The following ADGRG4 variants were observed in gnomAD, a reference collection of about 807,000 sequenced individuals.
ADGRG4 encodes G protein-coupled receptor 112.
A neutral mutation model predicts 126.2 loss-of-function variants in ADGRG4; 122 were observed. That is an observed-to-expected ratio of 0.97 (90% CI 0.83 to 1.12). The LOEUF is 1.12. Ranked by LOEUF, ADGRG4 falls within the 50% of genes most tolerant of loss-of-function variation. ADGRG4 has a pLI of 0.00. For synonymous variants in ADGRG4, 943 were observed against 838.7 expected, an observed-to-expected ratio of 1.12 and a Z score of -2.15; for missense variants, 2,481 against 2,251.8, an observed-to-expected ratio of 1.10 and a Z score of -2.06.
chrX:136,323,965 A>G (rs2074856870), intron 5 of ADGRG4, among the ~76,000 whole-genome samples: 1 of 111,832 alleles, frequency 8.9e-6, no homozygotes, highest in Admixed American at 9.5e-5. Flanking sequence ...CATACAGTCC[A>G]GTTACTTTGT....
At position 136,347,042 on chromosome X, in the gene ADGRG4, T is replaced by A. The variant is rs1379224376; in HGVS notation, c.3336T>A (p.His1112Gln). 4 of 1,210,918 alleles carry A rather than the reference T, an allele frequency of 3.3e-6. No individual in the cohort carries two copies. Among genetic ancestry groups the A allele is most frequent in the Non-Finnish European group, 4.5e-6 (4 of 895,030 alleles). ...AVPSLTETPFHSLRLSTPVTA... is the reference protein window; with the variant it reads ...AVPSLTETPFQSLRLSTPVTA... ...CTTCTCTGACAGAAACACCATTTCATTCACTGAGACTCTCCACTCCTGTGA... is the reference window on the plus strand; with the variant it reads ...CTTCTCTGACAGAAACACCATTTCAATCACTGAGACTCTCCACTCCTGTGA... The change falls in exon 6 of 26, where the codon CAT becomes CAA. Residue 1112 changes from histidine to glutamine, a missense_variant. His to Gln is a conservative substitution (Grantham distance 24, BLOSUM62 0). Transcript: ENST00000394143.
intron 5 of ADGRG4, among the ~76,000 whole-genome samples, chrX:136,332,991 C>G (rs1001742007): frequency 1.8e-5 from 2 of 111,348 alleles, no homozygotes; most frequent in East Asian, 5.6e-4. Flanking sequence ...TTTTGCTGTG[C>G]GGAAGCTCTT....
At chrX:136,357,870 T>C (rs2075103760) in intron 10 of ADGRG4, 114 bp downstream of exon 10, 3 of 499,135 alleles carry the variant, frequency 6.0e-6, no homozygotes, top group Non-Finnish European at 1.0e-5. Context: ...AAGATCAAAG[T>C]ACCCAGTGAT....
At position 136,344,559 on chromosome X, in the gene ADGRG4, T is replaced by A. The variant is rs148591462; in HGVS notation, c.853T>A (p.Ser285Thr). The A allele has an allele frequency of 9.4e-5, 113 of 1,203,317 alleles. No individual in the cohort carries two copies. Among genetic ancestry groups the A allele is most frequent in the Non-Finnish European group, 1.1e-4 (102 of 889,455 alleles). ...ATTTGCAACTGATTACACAACCATATCATATTCCAATACAACATCTCCACC... is the reference window on the plus strand; with the variant it reads ...ATTTGCAACTGATTACACAACCATAACATATTCCAATACAACATCTCCACC... ...PIFATDYTTISYSNTTSPPLE... is the reference protein window; with the variant it reads ...PIFATDYTTITYSNTTSPPLE... The change falls in exon 6 of 26, where the codon TCA becomes ACA. Residue 285 changes from serine (S) to threonine (T), a missense_variant. Transcript: ENST00000394143.
Position 136,350,366 on chromosome X carries a change from G to T in ADGRG4, c.6660G>T (p.Trp2220Cys). 8.3e-7 allele frequency: 1 copy of T among 1,210,292 alleles called. No homozygotes were observed. The highest frequency in any genetic ancestry group is 1.1e-6 in the Non-Finnish European group (1 of 894,763). The change falls in exon 6 of 26, where the codon TGG becomes TGT. Residue 2220 changes from tryptophan to cysteine, a missense_variant. Transcript: ENST00000394143. ...SPISSFFETT[W>C]LDSTPSFLST... ...TATCGTCCTTTTTTGAAACAACTTG[G>T]CTGGACTCCACACCTTCCTTTCTAT... is the stretch of plus-strand genomic sequence containing the variant.
intron 5 of ADGRG4, among the ~76,000 whole-genome samples, chrX:136,334,289 A>G (rs746124873): frequency 3.6e-5 from 4 of 111,370 alleles, no homozygotes; most frequent in Non-Finnish European, 7.5e-5. Context: ...TGAATTTTCC[A>G]TCTTTTCCAA....
intron 11 of ADGRG4, among the ~76,000 whole-genome samples, chrX:136,360,553 G>A: frequency 9.1e-6 from 1 of 110,465 alleles, no homozygotes; most frequent in East Asian, 2.8e-4. Context: ...GACCAGCCTG[G>A]GCAACAAAGC....
chrX:136,322,917 T>C lies in ADGRG4; in HGVS notation c.210T>C (p.Tyr70=), dbSNP rs1191834080. 1 of 1,211,574 alleles carries C rather than the reference T, an allele frequency of 8.3e-7. No individual in the cohort carries two copies. The highest frequency in any genetic ancestry group is 1.1e-6 in the Non-Finnish European group (1 of 895,259). ...DLVFMDDNSR[Y]WMAFSYITNN... ...TATTCATGGATGACAACTCAAGGTA[T>C]TGGATGGCCTTCTCTTATATTACTA... Residue 70 remains tyrosine, a synonymous_variant, in exon 5 of 26, where the codon TAT becomes TAC. Coordinates refer to ENST00000394143, the MANE Select transcript of ADGRG4 (RefSeq NM_153834.4).
rs747665621 is a variant in ADGRG4 at position 136,318,616 on chromosome X, A to G, written c.71-4162A>G. On this transcript the variant is annotated intron_variant, in intron 4 of 25. Coordinates refer to ENST00000394143, the MANE Select transcript of ADGRG4 (RefSeq NM_153834.4). ...AGTAACAGCCATTTAAGTGAGATTT[A>G]TGATGAGTTTTTCCTAACACGGAAA... Among the ~76,000 whole-genome samples, 3 of 111,830 alleles carry G rather than the reference A, an allele frequency of 2.7e-5. No homozygotes were observed. The South Asian group carries it at 1.1e-3, about 42-fold the overall frequency.
chrX:136,372,616 A>T, intron 14 of ADGRG4, among the ~76,000 whole-genome samples: 1 of 112,178 alleles, frequency 8.9e-6, no homozygotes, highest in African/African-American at 3.2e-5. Flanking sequence ...AATTTTCACG[A>T]CAATCTTTAG....
intron 5 of ADGRG4, among the ~76,000 whole-genome samples, chrX:136,332,687 T>A (rs1366541038): frequency 1.9e-5 from 2 of 107,078 alleles, no homozygotes; most frequent in Admixed American, 1.0e-4. Context: ...GACTTTTTAA[T>A]GATTGCCATT....
At chrX:136,306,558 T>C (rs1378948074) in intron 3 of ADGRG4, among the ~76,000 whole-genome samples, 1 of 110,749 alleles carries the variant, frequency 9.0e-6, no homozygotes, top group Non-Finnish European at 1.9e-5. Flanking sequence ...CTCCCTTTCT[T>C]CCTTTCTCCT....
In ADGRG4 at chrX:136,349,661, G is replaced by GAA; in HGVS notation, c.5956_5957insAA (p.Thr1986LysfsTer16). On this transcript the variant is annotated frameshift_variant, in exon 6 of 26. Transcript: ENST00000394143. LOFTEE classifies it high-confidence loss of function. ...AAATGACCACATCTGTAACTCCTGGGACCACACTCCCATCAATTCTTTCTG... is the reference window on the plus strand; with the variant it reads ...AAATGACCACATCTGTAACTCCTGGGAAACCACACTCCCATCAATTCTTTCTG... The GAA allele has an allele frequency of 2.5e-6, 3 of 1,210,289 alleles. No individual in the cohort carries two copies. The highest frequency in any genetic ancestry group is 1.1e-6 in the Non-Finnish European group (1 of 894,806).
At chrX:136,309,141 A>G (rs1410313289) in intron 4 of ADGRG4, among the ~76,000 whole-genome samples, 1 of 112,639 alleles carries the variant, frequency 8.9e-6, no homozygotes, top group East Asian at 2.8e-4. Flanking sequence ...CACACCTAAC[A>G]GAAGATTTGG....
In ADGRG4 at chrX:136,372,968, G is replaced by A. The variant is rs756828199; in HGVS notation, c.7680G>A (p.Thr2560=). ...MEFSGQIANL[T]VAGLALAVLR... ...TTTCTGGGCAGATAGCAAATCTGAC[G>A]GTGGCCGGGCTGGCTTTGGCTGTGC... The change falls in exon 15 of 26, where the codon ACG becomes ACA. Residue 2560 remains threonine, a synonymous_variant. Transcript: ENST00000394143. 3.1e-5 allele frequency: 38 copies of A among 1,209,138 alleles called. No individual in the cohort carries two copies. The Admixed American group carries it at 8.1e-4, about 26-fold the overall frequency.
intron 23 of ADGRG4, among the ~76,000 whole-genome samples, chrX:136,409,700 G>A (rs1051258283): frequency 4.5e-5 from 5 of 112,025 alleles, no homozygotes; most frequent in Admixed American, 9.4e-5. Flanking sequence ...CCTCCCACCT[G>A]GAATCCGAGT....
At chrX:136,360,972 C>T (rs893555424) in intron 11 of ADGRG4, among the ~76,000 whole-genome samples, 3 of 111,009 alleles carry the variant, frequency 2.7e-5, no homozygotes, top group African/African-American at 3.3e-5. Context: ...CACTCCACCA[C>T]GTGGCTTGAA....
At chrX:136,380,604 C>CTCCTCCTCTTCTTCT (rs2075255832) in intron 15 of ADGRG4, among the ~76,000 whole-genome samples, 4 of 55,359 alleles carry the variant, frequency 7.2e-5, no homozygotes, top group African/African-American at 2.8e-4. Flanking sequence ...CCTCCTCCTC[C>CTCCTCCTCTTCTTCT]TCTTCTTCTT....
intron 15 of ADGRG4, among the ~76,000 whole-genome samples, chrX:136,384,327 A>G (rs977663152): frequency 2.7e-5 from 3 of 111,921 alleles, no homozygotes; most frequent in Non-Finnish European, 3.8e-5. Context: ...ACTTTAAACC[A>G]GACGTGTCAA....
Sources: allele counts gnomAD v4.1 joint callset (sites outside exome capture counted in the v4.1 genomes callset), GRCh38; gene constraint gnomAD v4.1.1; transcripts MANE v1.5; gene names NCBI Gene and HGNC (gene_info 2026-07-23, HGNC 2026-07-21).